ADRA1D: variants seen among roughly 807,000 people sequenced by gnomAD.
The protein encoded by ADRA1D is alpha-1D adrenergic receptor.
Under a neutral mutation model 18.6 loss-of-function variants are expected in ADRA1D, and 22 were observed. The observed-to-expected ratio is 1.19, with a 90% CI of 0.85 to 1.69. The LOEUF (loss-of-function observed/expected upper bound fraction) is 1.69, where lower values mean the gene tolerates loss of function less well. Ranked by LOEUF, ADRA1D falls within the 40% of genes most tolerant of loss-of-function variation. The probability of loss-of-function intolerance (pLI) is 0.00; values close to 1 mark genes in which losing one functional copy is unlikely to be tolerated. For missense variants in ADRA1D, 840 were observed against 840.7 expected, an observed-to-expected ratio of 1.00 and a Z score of 0.01; for synonymous variants, 376 against 388.2, an observed-to-expected ratio of 0.97 and a Z score of 0.37.
Position 4,236,249 on chromosome 20 carries a change from C to T in ADRA1D, c.1111+11598G>A, listed in dbSNP as rs1433999351. ...AACCTCTCTGGTGCCTCAGTTTTCTCCTCTGTAAATGGGGCTGCTAATAGC... is the reference window on the plus strand; with the variant it reads ...AACCTCTCTGGTGCCTCAGTTTTCTTCTCTGTAAATGGGGCTGCTAATAGC... On this transcript the variant is annotated intron_variant, in intron 1 of 1. Coordinates refer to ENST00000379453, the MANE Select transcript of ADRA1D (RefSeq NM_000678.4). Among the ~76,000 whole-genome samples, 4 of 152,210 alleles carry T rather than the reference C, an allele frequency of 2.6e-5. No homozygotes were observed. In the East Asian group the frequency reaches 7.7e-4, roughly 29 times the overall value.
In ADRA1D at chr20:4,221,838, G is replaced by C. The variant is rs1413868017; in HGVS notation, c.1404C>G (p.Pro468=). 1 of 1,493,762 alleles carries C rather than the reference G, an allele frequency of 6.7e-7. No homozygotes were observed. Among genetic ancestry groups the C allele is most frequent in the Non-Finnish European group, 8.9e-7 (1 of 1,127,758 alleles). 92.5% of individuals were successfully genotyped at this position (1,493,762 alleles called of 1,614,324 possible). A position where few individuals can be genotyped will look rare whatever the true frequency, so the allele number is the denominator to read the frequency against. The change falls in exon 2 of 2, where the codon CCC becomes CCG. Residue 468 remains proline, a synonymous_variant. Coordinates refer to ENST00000379453, the MANE Select transcript of ADRA1D (RefSeq NM_000678.4). ...TGCCTGGGGGTTCGGGGTCGGGGTC[G>C]GGGAGCGCGGTGAGGGCCAGCGGCG... ...PGAPLALTAL[P]DPDPEPPGTP... is the part of the protein sequence containing the mutation.
At position 4,222,315 on chromosome 20, in the gene ADRA1D, C is replaced by CTA; in HGVS notation, c.1112-186_1112-185insTA. 1.3e-6 allele frequency: 1 copy of CTA among 763,660 alleles called. No homozygotes were observed. The highest frequency in any genetic ancestry group is 1.9e-6 in the Non-Finnish European group (1 of 519,500). The allele number at this position is 763,660 out of a possible 1,614,324, so 47.3% of individuals were successfully genotyped here. On this transcript the variant is annotated intron_variant, in intron 1 of 1. Coordinates refer to ENST00000379453, the MANE Select transcript of ADRA1D (RefSeq NM_000678.4). This position sits in a 1 kb window ranked among gnomAD's most constrained non-coding sequence, Gnocchi z 4.3. Reference sequence around the variant, plus strand: ...TAGAGAAAAATAATAATTGTTTTCACTCACCTCTACCTGATATTGAGGATT... The same window carrying CTA: ...TAGAGAAAAATAATAATTGTTTTCACTATCACCTCTACCTGATATTGAGGATT...
At chr20:4,224,046 C>T (rs562498833) in intron 1 of ADRA1D, among the ~76,000 whole-genome samples, 1 of 152,124 alleles carries the variant, frequency 6.6e-6, no homozygotes, top group East Asian at 1.9e-4. Flanking sequence ...GAAGGACAGG[C>T]GGGCAAGAAA....
At chr20:4,247,229 T>C (rs1443571706) in intron 1 of ADRA1D, among the ~76,000 whole-genome samples, 1 of 152,194 alleles carries the variant, frequency 6.6e-6, no homozygotes, top group Non-Finnish European at 1.5e-5. Flanking sequence ...AACTTTCCAT[T>C]TGATAATTTA....
In ADRA1D at chr20:4,221,872, G is replaced by C. The variant is rs1008725026; in HGVS notation, c.1370C>G (p.Pro457Arg). 2.9e-5 allele frequency: 43 copies of C among 1,465,606 alleles called. No individual in the cohort carries two copies. The African/African-American group carries it at 6.1e-4, about 21-fold the overall frequency. 90.8% of individuals were successfully genotyped at this position (1,465,606 alleles called of 1,614,324 possible). ...GGTGAGGGCCAGCGGCGCTCCGGGG[G>C]GCGCGTCGCCCGAACTCGGGGCGCA... ...QDCAPSSGDA[P>R]PGAPLALTAL... The change falls in exon 2 of 2, where the codon CCC becomes CGC. Residue 457 changes from proline to arginine, a missense_variant. By Grantham distance (103) the Pro-to-Arg change is moderately radical. Transcript: ENST00000379453.
chr20:4,243,746 G>GTCCC (rs985306159), intron 1 of ADRA1D, among the ~76,000 whole-genome samples: 1 of 152,148 alleles, frequency 6.6e-6, no homozygotes, highest in African/African-American at 2.4e-5. Flanking sequence ...CTTCCTGGGG[G>GTCCC]TCCCAGAGGA....
At chr20:4,235,257 G>T (rs1437639121) in intron 1 of ADRA1D, among the ~76,000 whole-genome samples, 2 of 152,200 alleles carry the variant, frequency 1.3e-5, no homozygotes, top group East Asian at 3.9e-4. Context: ...TAGCTGAGGG[G>T]CAGGTGAAGG....
Position 4,249,231 on chromosome 20 carries a change from G to T in ADRA1D, c.-274C>A, listed in dbSNP as rs2122684153. On this transcript the variant is annotated 5_prime_UTR_variant, in exon 1 of 2. Coordinates refer to ENST00000379453, the MANE Select transcript of ADRA1D (RefSeq NM_000678.4). ...GCGCTCTGAGCGTGCCCGGCAAGCG[G>T]GCAAAGCGGCGGCTCCGGGGCCGGG... Among the ~76,000 whole-genome samples, 1 of 152,012 alleles carries T rather than the reference G, an allele frequency of 6.6e-6. No homozygotes were observed. The highest frequency in any genetic ancestry group is 1.9e-4 in the East Asian group (1 of 5,144).
At chr20:4,246,308 C>A (rs1981335661) in intron 1 of ADRA1D, among the ~76,000 whole-genome samples, 1 of 152,156 alleles carries the variant, frequency 6.6e-6, no homozygotes, top group African/African-American at 2.4e-5. Flanking sequence ...GTGAAGGAAG[C>A]GAACCTTGTG....
chr20:4,226,540 G>A (rs1453704204), intron 1 of ADRA1D, among the ~76,000 whole-genome samples: 1 of 152,252 alleles, frequency 6.6e-6, no homozygotes, highest in Non-Finnish European at 1.5e-5. Flanking sequence ...CACCAGTAGA[G>A]TGAGGGAGGT....
Position 4,248,055 on chromosome 20 carries a change from C to T in ADRA1D, c.903G>A (p.Glu301=). Residue 301 remains glutamate (E), a synonymous_variant, in exon 1 of 2, where the codon GAG becomes GAA. Transcript: ENST00000379453. ...GVKRERGKAS[E]VVLRIHCRGA... ...CGCGACAGTGGATGCGCAGCACCAC[C>T]TCGGAGGCCTTGCCTCGCTCGCGCT... The T allele has an allele frequency of 6.4e-7, 1 of 1,550,900 alleles. No individual in the cohort carries two copies. Among genetic ancestry groups the T allele is most frequent in the Non-Finnish European group, 8.7e-7 (1 of 1,147,580 alleles).
At chr20:4,231,460 T>A (rs1980969372) in intron 1 of ADRA1D, among the ~76,000 whole-genome samples, 1 of 152,048 alleles carries the variant, frequency 6.6e-6, no homozygotes, top group Non-Finnish European at 1.5e-5. Flanking sequence ...CTGTCCAATA[T>A]GTTTTTCTTT....
In ADRA1D at chr20:4,248,986, C is replaced by A. The variant is rs1032868058; in HGVS notation, c.-29G>T. The A allele has an allele frequency of 2.3e-6, 3 of 1,309,110 alleles. No homozygotes were observed. Among genetic ancestry groups the A allele is most frequent in the Middle Eastern group, 2.9e-4 (1 of 3,458 alleles). 81.1% of individuals were successfully genotyped at this position (1,309,110 alleles called of 1,614,324 possible). ...AACGCGCGGCCGTCGGTGGCCGGGC[C>A]GGGGCACAGAACGAGCGGCCGGCAG... On this transcript the variant is annotated 5_prime_UTR_variant, in exon 1 of 2. Transcript: ENST00000379453.
chr20:4,224,180 G>A (rs778577959), intron 1 of ADRA1D, among the ~76,000 whole-genome samples: 125 of 152,298 alleles, frequency 8.2e-4, no homozygotes, highest in Non-Finnish European at 1.2e-3. Context: ...CTTAGGGGCC[G>A]CGAATATTTT....
Sources: allele counts gnomAD v4.1 joint callset (sites outside exome capture counted in the v4.1 genomes callset), GRCh38; gene constraint gnomAD v4.1.1; non-coding constraint Gnocchi (gnomAD v3.1); transcripts MANE v1.5; gene names NCBI Gene and HGNC (gene_info 2026-07-23, HGNC 2026-07-21).